The following ABCD3 variants were observed in gnomAD, a reference collection of about 807,000 sequenced individuals.
ABCD3 encodes the protein ATP binding cassette subfamily D member 3, also known as ATP-binding cassette sub-family D member 3.
Under a neutral mutation model 105.5 loss-of-function variants are expected in ABCD3, and 41 were observed. The ratio of observed to expected loss-of-function variants is 0.39; its 90% CI spans 0.30 to 0.50. The LOEUF is 0.50. Among genes scored for constraint, ABCD3 ranks in the 20% least tolerant of loss-of-function variants. The pLI is 0.84. For synonymous variants in ABCD3, 258 were observed against 269.0 expected, an observed-to-expected ratio of 0.96 and a Z score of 0.40; for missense variants, 622 against 806.3, an observed-to-expected ratio of 0.77 and a Z score of 2.77.
At chr1:94,483,755 A>C (rs1204074216) in intron 10 of ABCD3, among the ~76,000 whole-genome samples, 1 of 152,100 alleles carries the variant, frequency 6.6e-6, no homozygotes, top group African/African-American at 2.4e-5. Flanking sequence ...TGTCTAAAAC[A>C]CCAAAAGCAA....
At chr1:94,471,427 A>G (rs11165143) in intron 4 of ABCD3, among the ~76,000 whole-genome samples, 38,870 of 151,182 alleles carry the variant, frequency 0.26, 5,611 homozygotes, top group Admixed American at 0.34. Context: ...CTGTGGTGGC[A>G]CATACCTACA....
chr1:94,456,897 C>T (rs1194259695), intron 1 of ABCD3, among the ~76,000 whole-genome samples: 6 of 152,184 alleles, frequency 3.9e-5, no homozygotes, highest in Non-Finnish European at 7.3e-5. Flanking sequence ...CTTTTCTCCA[C>T]GTCCTTGCCA....
intron 21 of ABCD3, among the ~76,000 whole-genome samples, chr1:94,510,689 A>G (rs1285131713): frequency 6.6e-5 from 10 of 152,026 alleles, no homozygotes; most frequent in Admixed American, 6.5e-4. Context: ...TTGGGTGCAT[A>G]TATATTTAGG....
chr1:94,428,269 G>T (rs116300217), intron 1 of ABCD3, among the ~76,000 whole-genome samples: 8 of 152,000 alleles, frequency 5.3e-5, no homozygotes, highest in African/African-American at 1.9e-4. Context: ...AGATGTAGCC[G>T]TCTCACCACT....
At chr1:94,509,196 T>G (rs1226564889) in intron 21 of ABCD3, among the ~76,000 whole-genome samples, 1 of 152,106 alleles carries the variant, frequency 6.6e-6, no homozygotes, top group Non-Finnish European at 1.5e-5. Context: ...TTACCATGAA[T>G]GGTTGTTGAA....
chr1:94,472,890 C>G (rs1648555127), intron 4 of ABCD3, among the ~76,000 whole-genome samples: 1 of 152,130 alleles, frequency 6.6e-6, no homozygotes, highest in Non-Finnish European at 1.5e-5. Flanking sequence ...TGATCAAATA[C>G]ATACTATCTT....
chr1:94,420,846 CTG>C (rs1370824096), intron 1 of ABCD3, among the ~76,000 whole-genome samples: 7 of 152,096 alleles, frequency 4.6e-5, no homozygotes, highest in Admixed American at 4.6e-4. Flanking sequence ...ATTAAGGAAA[CTG>C]TGGCTACTTG....
chr1:94,479,094 G>T (rs1648905613), intron 8 of ABCD3, among the ~76,000 whole-genome samples: 1 of 152,034 alleles, frequency 6.6e-6, no homozygotes, highest in South Asian at 2.1e-4. Flanking sequence ...ACTGGTTTTT[G>T]TTGCTTTCCA....
chr1:94,499,502 A>G lies in ABCD3; in HGVS notation c.1628A>G (p.Lys543Arg). The G allele has an allele frequency of 6.2e-7, 1 of 1,613,540 alleles. No individual in the cohort carries two copies. Residue 543 changes from lysine to arginine, a missense_variant, in exon 20 of 23, where the codon AAG becomes AGG. Physicochemically the swap from Lys to Arg is conservative, Grantham distance 26 (BLOSUM62 2). Around this residue, in one of 4 missense-constraint regions of ABCD3, gnomAD observed 285 missense variants for 352.5 expected, o/e 0.81. Coordinates refer to ENST00000370214, the MANE Select transcript of ABCD3 (RefSeq NM_002858.4). ...TAATCATTTTGCTGAAAGGTACTGA[A>G]GGAATACTTAGACAATGTCCAGTTG... ...KRKGISDLVL[K>R]EYLDNVQLGH...
At chr1:94,445,848 G>A (rs970769399) in intron 1 of ABCD3, among the ~76,000 whole-genome samples, 5 of 152,148 alleles carry the variant, frequency 3.3e-5, no homozygotes, top group African/African-American at 1.2e-4. Flanking sequence ...TGCTAATCCC[G>A]AGTGCCAGGC....
chr1:94,439,489 A>G (rs996486875), intron 1 of ABCD3, among the ~76,000 whole-genome samples: 2 of 152,114 alleles, frequency 1.3e-5, no homozygotes, highest in African/African-American at 2.4e-5. Flanking sequence ...TAAAAATACA[A>G]AAATTAGTCA....
Position 94,460,346 on chromosome 1 carries a change from C to T in ABCD3, c.147+1703C>T, listed in dbSNP as rs187214754. On this transcript the variant is annotated intron_variant, in intron 2 of 22. Coordinates refer to ENST00000370214, the MANE Select transcript of ABCD3 (RefSeq NM_002858.4). ...TTCACAGAACTGCTGATAGTATTGA[C>T]TATGTAAGGACCAAGGAGATTGCTC... Among the ~76,000 whole-genome samples the T allele has an allele frequency of 7.9e-5, 12 of 152,178 alleles. No individual in the cohort carries two copies. The East Asian group carries it at 2.3e-3, about 29-fold the overall frequency.
chr1:94,446,892 G>T (rs1193383327), intron 1 of ABCD3, among the ~76,000 whole-genome samples: 4 of 152,156 alleles, frequency 2.6e-5, no homozygotes, highest in Non-Finnish European at 5.9e-5. Flanking sequence ...ATAAATCTGT[G>T]GGGAAGAGAT....
rs1305711620 is a variant in ABCD3, at chr1:94,438,299, CAT to C, written c.110+19713_110+19714del. 7.6e-3 allele frequency among the ~76,000 whole-genome samples: 606 copies of C among 79,658 alleles called. 3 individuals are homozygous for C. Among genetic ancestry groups the C allele is most frequent in the Non-Finnish European group, 0.012 (440 of 35,796 alleles). 52.3% of individuals were successfully genotyped at this position (79,658 alleles called of 152,430 possible). A position where few individuals can be genotyped will look rare whatever the true frequency, so the allele number is the denominator to read the frequency against. The stretch of plus-strand genomic sequence containing the variant: ...AGACTCCATCACACACACACACACA[CAT>C]ACACACACACACACACACACACACA... On this transcript the variant is annotated intron_variant, in intron 1 of 22. Coordinates refer to ENST00000370214, the MANE Select transcript of ABCD3 (RefSeq NM_002858.4).
chr1:94,457,216 C>T (rs1467876514), intron 1 of ABCD3, among the ~76,000 whole-genome samples: 1 of 151,994 alleles, frequency 6.6e-6, no homozygotes, highest in Non-Finnish European at 1.5e-5. Flanking sequence ...TTTTGTCGTG[C>T]TAAAATGCAT....
At chr1:94,469,698 C>A (rs1313976558) in intron 4 of ABCD3, among the ~76,000 whole-genome samples, 3 of 113,614 alleles carry the variant, frequency 2.6e-5, no homozygotes, top group African/African-American at 1.0e-4. Context: ...TGGAGTCTTG[C>A]TCTGTTGCCC....
At chr1:94,507,847 T>A (rs1351095953) in intron 21 of ABCD3, among the ~76,000 whole-genome samples, 1 of 145,594 alleles carries the variant, frequency 6.9e-6, no homozygotes, top group African/African-American at 2.5e-5. Flanking sequence ...TGTTTGTTTT[T>A]TTCTTGTAAA....
At chr1:94,398,210 A>G in the ABCD3 span, among the ~76,000 whole-genome samples, 1 of 152,202 alleles carries the variant, frequency 6.6e-6, no homozygotes, top group African/African-American at 2.4e-5. Flanking sequence ...ATCAATCAAC[A>G]TGAGTTCCTA....
At chr1:94,478,877 G>A (rs1386535531) in intron 8 of ABCD3, among the ~76,000 whole-genome samples, 3 of 152,154 alleles carry the variant, frequency 2.0e-5, no homozygotes, top group Admixed American at 2.0e-4. Context: ...GCTATCCCAT[G>A]AGCCTTATTA....
Sources: allele counts gnomAD v4.1 joint callset (sites outside exome capture counted in the v4.1 genomes callset), GRCh38; gene constraint gnomAD v4.1.1; regional missense constraint gnomAD v4.1.1; transcripts MANE v1.5; gene names NCBI Gene and HGNC (gene_info 2026-07-23, HGNC 2026-07-21).